CTNNA3: variants seen among roughly 807,000 people sequenced by gnomAD.
CTNNA3 encodes the protein catenin alpha-3.
Under a neutral mutation model 95.7 loss-of-function variants are expected in CTNNA3, and 76 were observed. The observed-to-expected ratio is 0.79, with a 90% CI of 0.66 to 0.96. The LOEUF is 0.96. CTNNA3 is among the 40% of genes least tolerant of loss of function. The probability of loss-of-function intolerance (pLI) is 0.00; values close to 1 mark genes in which losing one functional copy is unlikely to be tolerated. For synonymous variants in CTNNA3, 431 were observed against 374.4 expected (o/e 1.15, Z -1.74); for missense variants, 1,191 against 1,089.8 (o/e 1.09, Z -1.31).
intron 7 of CTNNA3, among the ~76,000 whole-genome samples, chr10:67,150,285 C>A (rs141556554): frequency 2.6e-5 from 4 of 152,158 alleles, no homozygotes; most frequent in African/African-American, 4.8e-5. Context: ...ACTTCAATAT[C>A]TACTTTTAAT....
chr10:67,568,788 T>A (rs1008722913), intron 3 of CTNNA3, among the ~76,000 whole-genome samples: 1 of 152,126 alleles, frequency 6.6e-6, no homozygotes, highest in Non-Finnish European at 1.5e-5. Flanking sequence ...AGGACTTAGG[T>A]GAAATGTTTG....
At chr10:66,603,572 A>G (rs1201686571) in intron 10 of CTNNA3, among the ~76,000 whole-genome samples, 1 of 152,172 alleles carries the variant, frequency 6.6e-6, no homozygotes, top group Non-Finnish European at 1.5e-5. Flanking sequence ...TTCTTCAGGT[A>G]ATTACAAAAA....
chr10:67,404,179 G>A (rs1345161647), intron 5 of CTNNA3, among the ~76,000 whole-genome samples: 1 of 151,818 alleles, frequency 6.6e-6, no homozygotes, highest in Non-Finnish European at 1.5e-5. Context: ...CTCCAGCAGG[G>A]ATTTAGAACT....
chr10:66,107,427 T>C (rs1285872783), intron 13 of CTNNA3, among the ~76,000 whole-genome samples: 1 of 152,146 alleles, frequency 6.6e-6, no homozygotes, highest in Non-Finnish European at 1.5e-5. Context: ...GACTGGGAAA[T>C]ACTGAATTAT....
At chr10:67,358,862 A>G (rs1217075096) in intron 5 of CTNNA3, among the ~76,000 whole-genome samples, 1 of 152,010 alleles carries the variant, frequency 6.6e-6, no homozygotes, top group Non-Finnish European at 1.5e-5. Context: ...GGTCTCCCCC[A>G]AGGCCCCAGA....
chr10:66,434,002 A>G (rs1053123164), intron 11 of CTNNA3, among the ~76,000 whole-genome samples: 29 of 152,250 alleles, frequency 1.9e-4, no homozygotes, highest in African/African-American at 6.7e-4. Context: ...ATTGGTCTAT[A>G]TATCTGTTTT....
At position 67,344,560 on chromosome 10, in the gene CTNNA3, A is replaced by G. The variant is rs143328427; in HGVS notation, c.580-124690T>C. On this transcript the variant is annotated intron_variant, in intron 5 of 17. Transcript: ENST00000433211. ...ATCTGTTCAGGTTTTTTATTTCTTC[A>G]TGGTTCAATCTTGATAGGTTGTATG... Among the ~76,000 whole-genome samples the G allele has an allele frequency of 5.0e-3, 763 of 151,994 alleles. 9 individuals carry two copies. The highest frequency in any genetic ancestry group is 0.017 in the African/African-American group (722 of 41,500).
intron 12 of CTNNA3, among the ~76,000 whole-genome samples, chr10:66,297,498 C>A (rs562441269): frequency 6.6e-6 from 1 of 152,042 alleles, no homozygotes; most frequent in African/African-American, 2.4e-5. Flanking sequence ...ACCAAAAGTA[C>A]CCTGTCTTTT....
chr10:67,683,787 C>T (rs1445607560), intron 1 of CTNNA3, among the ~76,000 whole-genome samples: 11 of 151,772 alleles, frequency 7.2e-5, no homozygotes, highest in African/African-American at 1.9e-4. Context: ...TTCTTCCTTC[C>T]GGTGGGTTCA....
intron 7 of CTNNA3, among the ~76,000 whole-genome samples, chr10:67,019,554 T>C (rs1353012837): frequency 6.6e-6 from 1 of 152,212 alleles, no homozygotes; most frequent in African/African-American, 2.4e-5. Context: ...GCAAGAACTT[T>C]ATCGTATATA....
At chr10:66,148,750 G>C (rs891585596) in intron 13 of CTNNA3, among the ~76,000 whole-genome samples, 4 of 152,054 alleles carry the variant, frequency 2.6e-5, no homozygotes, top group Admixed American at 2.6e-4. Flanking sequence ...AAAGTAATTT[G>C]TTATAGCAGC....
At chr10:67,697,457 T>G (rs1255913690), upstream of CTNNA3, among the ~76,000 whole-genome samples, 4 of 152,168 alleles carry the variant, frequency 2.6e-5, no homozygotes, top group African/African-American at 9.7e-5. Context: ...CAAGATGAGA[T>G]ATCCAAATTC....
intron 15 of CTNNA3, among the ~76,000 whole-genome samples, chr10:66,012,212 A>T (rs1298514717): frequency 1.3e-5 from 2 of 152,240 alleles, no homozygotes; most frequent in Non-Finnish European, 2.9e-5. Context: ...ACAAATGAAC[A>T]TGTAAACAAA....
chr10:66,621,054 C>T (rs1844727988), intron 10 of CTNNA3, among the ~76,000 whole-genome samples: 1 of 152,188 alleles, frequency 6.6e-6, no homozygotes, highest in South Asian at 2.1e-4. Flanking sequence ...AAAAGTGTGT[C>T]ACTCTTCAGA....
chr10:66,292,940 A>C (rs893943273), intron 12 of CTNNA3, among the ~76,000 whole-genome samples: 4 of 152,198 alleles, frequency 2.6e-5, no homozygotes, highest in African/African-American at 9.6e-5. Context: ...AGAGACAGAT[A>C]TGAGCTAAGA....
chr10:67,168,174 A>T (rs1861864116), intron 7 of CTNNA3, among the ~76,000 whole-genome samples: 1 of 152,074 alleles, frequency 6.6e-6, no homozygotes, highest in Non-Finnish European at 1.5e-5. Flanking sequence ...AAACATCATG[A>T]TGTAGCCAAA....
At chr10:65,965,823 A>C (rs570899281) in intron 17 of CTNNA3, among the ~76,000 whole-genome samples, 1 of 152,146 alleles carries the variant, frequency 6.6e-6, no homozygotes, top group Non-Finnish European at 1.5e-5. Context: ...CAGACATATA[A>C]ATATACTAGT....
intron 13 of CTNNA3, among the ~76,000 whole-genome samples, chr10:66,266,217 C>A (rs1178223092): frequency 6.6e-6 from 1 of 151,664 alleles, no homozygotes; most frequent in South Asian, 2.1e-4. Context: ...GTGTGATAAT[C>A]CCCTCCCTTG....
In CTNNA3 at chr10:66,227,980, T is replaced by G. The variant is rs1030756806; in HGVS notation, c.1884+52490A>C. 3.9e-5 allele frequency among the ~76,000 whole-genome samples: 6 copies of G among 152,272 alleles called. No homozygotes were observed. In the East Asian group the frequency reaches 1.2e-3, roughly 29 times the overall value. On this transcript the variant is annotated intron_variant, in intron 13 of 17. Transcript: ENST00000433211. ...GCATATAGTTGTTCACAATATTCTC[T>G]TGTGATCCTTTATATTTCCGTGGTA...
Sources: allele counts gnomAD v4.1 joint callset (sites outside exome capture counted in the v4.1 genomes callset), GRCh38; gene constraint gnomAD v4.1.1; transcripts MANE v1.5; gene names NCBI Gene and HGNC (gene_info 2026-07-23, HGNC 2026-07-21).